The following ETNK2 variants were observed in gnomAD, a reference collection of about 807,000 sequenced individuals.
ETNK2 encodes ethanolamine kinase-like protein.
In ETNK2, 33 loss-of-function variants were observed where a neutral mutation model predicts 46.2. The observed-to-expected ratio is 0.71, with a 90% confidence interval of 0.54 to 0.96. ETNK2 has a LOEUF of 0.96. Ranked by LOEUF, ETNK2 falls within the 40% of genes least tolerant of loss-of-function variation. ETNK2 has a pLI of 0.00. For synonymous variants in ETNK2, 194 were observed against 209.0 expected (o/e 0.93, Z 0.62); for missense variants, 445 against 509.7 (o/e 0.87, Z 1.22).
rs1324023887 is a variant in ETNK2, at chr1:204,131,433, C to T, written c.*751G>A. 6.6e-6 allele frequency: 1 copy of T among 152,390 alleles called. No individual in the cohort carries two copies. The highest frequency in any genetic ancestry group is 1.5e-5 in the Non-Finnish European group (1 of 68,202). The allele number at this position is 152,390 out of a possible 1,614,324, so 9.4% of individuals were successfully genotyped here. A position where few individuals can be genotyped will look rare whatever the true frequency, so the allele number is the denominator to read the frequency against. On this transcript the variant is annotated 3_prime_UTR_variant, in exon 8 of 8. Coordinates refer to ENST00000367202, the MANE Select transcript of ETNK2 (RefSeq NM_018208.4). This position sits in a 1 kb window ranked among gnomAD's most constrained non-coding sequence, Gnocchi z 4.3. ...GCTGGTTCTGGTTTTGGCCACCTCA[C>T]CCTTGGCCACGTCCCCTCCGGCTAA...
At chr1:204,144,871 C>G (rs1019805742) in intron 3 of ETNK2, among the ~76,000 whole-genome samples, 2 of 152,174 alleles carry the variant, frequency 1.3e-5, no homozygotes, top group Admixed American at 1.3e-4. Flanking sequence ...GACAACTTTC[C>G]CTGGTTCTTC....
At chr1:204,142,122 C>CTAA (rs1657575087) in intron 3 of ETNK2, 2 of 152,604 alleles carry the variant, frequency 1.3e-5, no homozygotes, top group Non-Finnish European at 2.9e-5. Flanking sequence ...ACAAACAGAC[C>CTAA]ATCGGCTCAC....
In ETNK2 at chr1:204,131,940, C is replaced by T; in HGVS notation, c.*244G>A. ...GTTCAGGACCTGGCTGCAGGCACTT[C>T]CTCCCAAGCCTGGTGGGGTGAAGGG... On this transcript the variant is annotated 3_prime_UTR_variant, in exon 8 of 8. Transcript: ENST00000367202. The surrounding 1 kb of genome is among the most constrained non-coding windows in gnomAD (Gnocchi z 4.3). The T allele has an allele frequency of 1.8e-6, 1 of 544,320 alleles. No homozygotes were observed. The highest frequency in any genetic ancestry group is 3.3e-6 in the Non-Finnish European group (1 of 303,036). 33.7% of individuals were successfully genotyped at this position (544,320 alleles called of 1,614,324 possible).
At chr1:204,147,500 G>T (rs74139468) in intron 2 of ETNK2, 2 of 533,240 alleles carry the variant, frequency 3.8e-6, no homozygotes, top group Admixed American at 1.9e-5. Context: ...CCCATCGCCC[G>T]AGGCCCTGTG....
At chr1:204,138,704 C>G (rs1657382123) in intron 5 of ETNK2, 1 of 152,212 alleles carries the variant, frequency 6.6e-6, no homozygotes, top group Middle Eastern at 3.2e-3. Flanking sequence ...CTATCCTGAG[C>G]CACAGGGCCT....
chr1:204,148,569 GACACACACACACACACAC>G (rs61199759), intron 2 of ETNK2, among the ~76,000 whole-genome samples: 1,632 of 145,324 alleles, frequency 0.011, 30 homozygotes, highest in African/African-American at 0.037. Flanking sequence ...ACACCCTCAA[GACACACACACACACACAC>G]ACACACACAC....
intron 2 of ETNK2, chr1:204,147,405 G>T (rs918982833): frequency 3.8e-6 from 2 of 532,524 alleles, no homozygotes; most frequent in African/African-American, 3.9e-5. Flanking sequence ...CTCAGGAGAG[G>T]ATTGGGTGGT....
intron 5 of ETNK2, 57 bp downstream of exon 5, chr1:204,139,978 C>G: frequency 7.1e-7 from 1 of 1,401,924 alleles, no homozygotes; most frequent in South Asian, 1.2e-5. Flanking sequence ...TACATGCGGT[C>G]AGTCATTGAC....
intron 6 of ETNK2, among the ~76,000 whole-genome samples, chr1:204,136,291 G>A (rs574630116): frequency 2.0e-5 from 3 of 152,054 alleles, no homozygotes; most frequent in Non-Finnish European, 4.4e-5. Context: ...AGCTACTCAG[G>A]AGGCTGAGGT....
rs116522997 is a variant in ETNK2, at chr1:204,144,534, C to T, written c.641+2108G>A. Among the ~76,000 whole-genome samples, 520 of 152,064 alleles carry T rather than the reference C, an allele frequency of 3.4e-3. 6 individuals carry two copies. Among genetic ancestry groups the T allele is most frequent in the Non-Finnish European group, 3.1e-3 (213 of 67,988 alleles). On this transcript the variant is annotated intron_variant, in intron 3 of 7. Coordinates refer to ENST00000367202, the MANE Select transcript of ETNK2 (RefSeq NM_018208.4). ...CTACCTCAAATCCACCCTCCCCCAC[C>T]AATCTGTCCCTTATGATGCTAGAGG...
intron 3 of ETNK2, among the ~76,000 whole-genome samples, chr1:204,143,400 C>A (rs1243997698): frequency 1.4e-5 from 2 of 138,808 alleles, no homozygotes; most frequent in African/African-American, 5.2e-5. Flanking sequence ...CAGATGGTTA[C>A]TGTGGGAACA....
At chr1:204,141,818 G>A (rs879872513) in intron 3 of ETNK2, 5 of 214,224 alleles carry the variant, frequency 2.3e-5, no homozygotes, top group Non-Finnish European at 3.7e-5. Context: ...CAGACCTGGG[G>A]ATTCCAGACT....
Position 204,134,509 on chromosome 1 carries a change from A to G in ETNK2, c.1088+6T>C. 6.2e-7 allele frequency: 1 copy of G among 1,613,708 alleles called. No homozygotes were observed. The highest frequency in any genetic ancestry group is 8.5e-7 in the Non-Finnish European group (1 of 1,179,786). On this transcript the variant is annotated splice_donor_region_variant and intron_variant, in intron 7 of 7. Transcript: ENST00000367202. ...CTCCACGTCCCACCATCACCCCCAC[A>G]CTCACCTGAGGAAATCAAAGTCGAT...
chr1:204,134,779 C>A, intron 6 of ETNK2, 191 bp from the exon 7 acceptor site: 1 of 1,302,640 alleles, frequency 7.7e-7, no homozygotes, highest in South Asian at 1.4e-5. Context: ...GGCGCCTCCA[C>A]TCCTGCTAGA....
intron 7 of ETNK2, among the ~76,000 whole-genome samples, chr1:204,132,754 T>C (rs574376497): frequency 3.3e-5 from 5 of 152,138 alleles, no homozygotes; most frequent in African/African-American, 1.2e-4. Flanking sequence ...TAACTTCAAC[T>C]ACATTTTTTT....
chr1:204,135,687 G>A (rs1259804518), intron 6 of ETNK2, among the ~76,000 whole-genome samples: 1 of 152,224 alleles, frequency 6.6e-6, no homozygotes, highest in Non-Finnish European at 1.5e-5. Flanking sequence ...CTTAGCAAGA[G>A]GAAGGCTTGT....
chr1:204,148,569 GACACACACACACAC>G (rs61199759), intron 2 of ETNK2, among the ~76,000 whole-genome samples: 2,383 of 145,316 alleles, frequency 0.016, 60 homozygotes, highest in African/African-American at 0.057. Context: ...ACACCCTCAA[GACACACACACACAC>G]ACACACACAC....
intron 3 of ETNK2, chr1:204,142,174 CT>C (rs1657577867): frequency 6.6e-6 from 1 of 152,358 alleles, no homozygotes; most frequent in Non-Finnish European, 1.5e-5. Context: ...CACTCCTACA[CT>C]GTCAAAGGAA....
rs1312183329 is a variant in ETNK2, at chr1:204,151,307, G to C, written c.258+288C>G. ...TCAGCGAGGGGCACCAGCACGCAGC[G>C]ACAGGGGGTGCGGCCCGCACACGCA... On this transcript the variant is annotated intron_variant, in intron 1 of 7. Transcript: ENST00000367202. This position sits in a 1 kb window ranked among gnomAD's most constrained non-coding sequence, Gnocchi z 8.0. 3.7e-6 allele frequency: 2 copies of C among 534,254 alleles called. No individual in the cohort carries two copies. The highest frequency in any genetic ancestry group is 6.6e-6 in the Non-Finnish European group (2 of 304,614). 33.1% of individuals were successfully genotyped at this position (534,254 alleles called of 1,614,324 possible). A position where few individuals can be genotyped will look rare whatever the true frequency, so the allele number is the denominator to read the frequency against.
Sources: allele counts gnomAD v4.1 joint callset (sites outside exome capture counted in the v4.1 genomes callset), GRCh38; gene constraint gnomAD v4.1.1; non-coding constraint Gnocchi (gnomAD v3.1); transcripts MANE v1.5; gene names NCBI Gene and HGNC (gene_info 2026-07-23, HGNC 2026-07-21).